ATP2B1: variants seen among roughly 807,000 people sequenced by gnomAD.
The protein encoded by ATP2B1 is plasma membrane calcium-transporting ATPase 1.
In ATP2B1, 14 loss-of-function variants were observed where a neutral mutation model predicts 124.2. That is an observed-to-expected ratio of 0.11 (90% CI 0.07 to 0.18). ATP2B1 has a LOEUF of 0.18. Among genes scored for constraint, ATP2B1 ranks in the 10% least tolerant of loss-of-function variants. ATP2B1 has a pLI of 1.00. For synonymous variants in ATP2B1, 449 were observed against 492.4 expected, an observed-to-expected ratio of 0.91 and a Z score of 1.17; for missense variants, 763 against 1,466.1, an observed-to-expected ratio of 0.52 and a Z score of 7.83.
chr12:89,694,064 T>C (rs1890844102), intron 1 of ATP2B1, among the ~76,000 whole-genome samples: 2 of 152,186 alleles, frequency 1.3e-5, no homozygotes. Flanking sequence ...GACCTCAAAA[T>C]TAGAGGAATG....
At chr12:89,677,959 T>TACAC (rs1332362406) in intron 1 of ATP2B1, among the ~76,000 whole-genome samples, 1 of 27,290 alleles carries the variant, frequency 3.7e-5, no homozygotes, top group East Asian at 9.6e-4. Context: ...AGGAATTATA[T>TACAC]ATATATATAT....
chr12:89,609,643 T>A (rs1877618592), intron 15 of ATP2B1, among the ~76,000 whole-genome samples: 1 of 152,166 alleles, frequency 6.6e-6, no homozygotes, highest in Admixed American at 6.6e-5. Flanking sequence ...TAAAGGGTTA[T>A]TAAAAGGTTC....
chr12:89,625,706 C>G (rs1050632477), intron 8 of ATP2B1, among the ~76,000 whole-genome samples: 1 of 152,100 alleles, frequency 6.6e-6, no homozygotes, highest in Admixed American at 6.5e-5. Flanking sequence ...CTCAAATCCA[C>G]CTTTTCCCCC....
intron 5 of ATP2B1, 53 bp downstream of exon 5, chr12:89,634,725 G>A: frequency 6.8e-7 from 1 of 1,477,586 alleles, no homozygotes; most frequent in Non-Finnish European, 9.1e-7. Flanking sequence ...TGCTGACAAT[G>A]GTACATAGTT....
Position 89,598,499 on chromosome 12 carries a change from C to T in ATP2B1, c.3351+618G>A, listed in dbSNP as rs1208592295. The T allele has an allele frequency of 2.6e-5, 36 of 1,388,274 alleles. No homozygotes were observed. In the East Asian group the frequency reaches 5.8e-4, roughly 22 times the overall value. The allele number at this position is 1,388,274 out of a possible 1,614,324, so 86.0% of individuals were successfully genotyped here. ...AGAAAGCTTTATGAAAAAGCCTGAA[C>T]AATGAATTCAAACATTAAGGAGAAA... On this transcript the variant is annotated intron_variant, in intron 20 of 20. Coordinates refer to ENST00000428670, the MANE Select transcript of ATP2B1 (RefSeq NM_001366521.1).
chr12:89,645,087 C>T (rs1884241917), intron 2 of ATP2B1, among the ~76,000 whole-genome samples: 1 of 152,164 alleles, frequency 6.6e-6, no homozygotes, highest in Non-Finnish European at 1.5e-5. Context: ...TTGTGCAAGT[C>T]ACTTAACTCT....
chr12:89,611,358 A>C lies in ATP2B1; in HGVS notation c.2082T>G (p.Ile694Met), dbSNP rs1282362940. 6.5e-7 allele frequency: 1 copy of C among 1,530,312 alleles called. No homozygotes were observed. The allele number at this position is 1,530,312 out of a possible 1,614,324, so 94.8% of individuals were successfully genotyped here. A position where few individuals can be genotyped will look rare whatever the true frequency, so the allele number is the denominator to read the frequency against. The change falls in exon 13 of 21, where the codon ATT becomes ATG. Residue 694 changes from isoleucine to methionine, a missense_variant. By Grantham distance (10) the Ile-to-Met change is conservative. This residue lies in a region of ATP2B1 where 392 missense variants were observed against 776.6 expected (regional missense o/e 0.50). Coordinates refer to ENST00000428670, the MANE Select transcript of ATP2B1 (RefSeq NM_001366521.1). ...TAATTCCAGCCCTCTGACACTTTTT[A>C]ATTGCATCTGGCACCTGGTTTACAT... ...DPVRPEVPDA[I>M]KKCQRAGITV...
Position 89,604,366 on chromosome 12 carries a change from G to A in ATP2B1, c.2443-20C>T, listed in dbSNP as rs1233679588. On this transcript the variant is annotated intron_variant, in intron 15 of 20. Coordinates refer to ENST00000428670, the MANE Select transcript of ATP2B1 (RefSeq NM_001366521.1). ...AATACCCTGTTAAAAAAAATTTTGT[G>A]AATTAGACTAAATGTTTTAAGTATA... The A allele has an allele frequency of 1.3e-6, 2 of 1,560,428 alleles. No homozygotes were observed. The highest frequency in any genetic ancestry group is 1.7e-6 in the Non-Finnish European group (2 of 1,154,106).
At chr12:89,629,628 T>C (rs191105604) in intron 6 of ATP2B1, among the ~76,000 whole-genome samples, 166 of 152,372 alleles carry the variant, frequency 1.1e-3, no homozygotes, top group Non-Finnish European at 1.8e-3. Flanking sequence ...GCTGTAGTTA[T>C]AGCAAACCAG....
rs1273000792 is a variant in ATP2B1 at position 89,588,667 on chromosome 12, T to C, written c.*2317A>G. On this transcript the variant is annotated 3_prime_UTR_variant, in exon 21 of 21. Transcript: ENST00000428670. The stretch of plus-strand genomic sequence containing the variant: ...TCTTGCTACTACTTCATAGATGTCA[T>C]AAGACCCGTTTATGGATTAGAGTTG... 1.3e-5 allele frequency: 2 copies of C among 152,580 alleles called. No homozygotes were observed. The highest frequency in any genetic ancestry group is 2.9e-5 in the Non-Finnish European group (2 of 68,020). The allele number at this position is 152,580 out of a possible 1,614,324, so 9.5% of individuals were successfully genotyped here.
rs755693120 is a variant in ATP2B1, at chr12:89,621,614, G to T, written c.1522C>A (p.Pro508Thr). Reference sequence around the variant, plus strand: ...GTTACAAGATAGGACAAAATATTTGGTGGAATAGCTTCTGGTTCAGGAACC... The same window carrying T: ...GTTACAAGATAGGACAAAATATTTGTTGGAATAGCTTCTGGTTCAGGAACC... ...KKVPEPEAIP[P>T]NILSYLVTGI... Residue 508 changes from proline to threonine, a missense_variant, in exon 10 of 21, where the codon CCA becomes ACA. Around this residue, in one of 7 missense-constraint regions of ATP2B1, gnomAD observed 392 missense variants for 776.6 expected, o/e 0.50. Coordinates refer to ENST00000428670, the MANE Select transcript of ATP2B1 (RefSeq NM_001366521.1). 1.9e-6 allele frequency: 3 copies of T among 1,610,096 alleles called. No individual in the cohort carries two copies. The highest frequency in any genetic ancestry group is 1.1e-5 in the South Asian group (1 of 90,716).
At chr12:89,680,886 CAAAG>C (rs907410289) in intron 1 of ATP2B1, among the ~76,000 whole-genome samples, 1 of 152,032 alleles carries the variant, frequency 6.6e-6, no homozygotes, top group Non-Finnish European at 1.5e-5. Context: ...CAAAAACATA[CAAAG>C]AAAGATAACC....
intron 1 of ATP2B1, among the ~76,000 whole-genome samples, chr12:89,668,576 T>A (rs552152720): frequency 8.3e-4 from 126 of 152,314 alleles, no homozygotes; most frequent in African/African-American, 3.0e-3. Flanking sequence ...AGAAGATGCT[T>A]CCATTCTTAC....
chr12:89,656,008 T>C lies in ATP2B1; in HGVS notation c.-122A>G. On this transcript the variant is annotated 5_prime_UTR_variant, in exon 2 of 21. Transcript: ENST00000428670. ...TTTCTTAAACCAAACACTCATTGTA[T>C]GACTTTGTAAAGCAGCATCAGCAGC... The C allele has an allele frequency of 9.6e-7, 1 of 1,039,014 alleles. No homozygotes were observed. Among genetic ancestry groups the C allele is most frequent in the Non-Finnish European group, 1.4e-6 (1 of 737,486 alleles). 64.4% of individuals were successfully genotyped at this position (1,039,014 alleles called of 1,614,324 possible). A position where few individuals can be genotyped will look rare whatever the true frequency, so the allele number is the denominator to read the frequency against.
chr12:89,678,127 C>T (rs937106987), intron 1 of ATP2B1, among the ~76,000 whole-genome samples: 5 of 151,604 alleles, frequency 3.3e-5, no homozygotes, highest in African/African-American at 1.2e-4. Context: ...ACTGACTACA[C>T]ATCCATGAAT....
intron 11 of ATP2B1, among the ~76,000 whole-genome samples, chr12:89,617,396 T>C (rs1369798716): frequency 6.6e-6 from 1 of 152,190 alleles, no homozygotes; most frequent in African/African-American, 2.4e-5. Context: ...TAGTTTGAAA[T>C]AATACCAAAA....
At chr12:89,707,649 T>A (rs917246000) in intron 1 of ATP2B1, among the ~76,000 whole-genome samples, 1 of 152,104 alleles carries the variant, frequency 6.6e-6, no homozygotes, top group African/African-American at 2.4e-5. Context: ...TGCAGACCCC[T>A]TTAACCCACC....
intron 8 of ATP2B1, among the ~76,000 whole-genome samples, chr12:89,626,205 G>A (rs1257514374): frequency 6.6e-6 from 1 of 152,162 alleles, no homozygotes; most frequent in African/African-American, 2.4e-5. Context: ...CAGAAATTCA[G>A]AGATGAGTGC....
At chr12:89,650,478 G>A (rs1885098370) in intron 2 of ATP2B1, among the ~76,000 whole-genome samples, 1 of 152,162 alleles carries the variant, frequency 6.6e-6, no homozygotes, top group Admixed American at 6.5e-5. Context: ...TGGTGGGGGA[G>A]ACTGACAAGC....
Sources: allele counts gnomAD v4.1 joint callset (sites outside exome capture counted in the v4.1 genomes callset), GRCh38; gene constraint gnomAD v4.1.1; regional missense constraint gnomAD v4.1.1; transcripts MANE v1.5; gene names NCBI Gene and HGNC (gene_info 2026-07-23, HGNC 2026-07-21).